Variants in NAV1 observed in about 807,000 individuals in gnomAD.
NAV1 encodes pore membrane and/or filament interacting like protein 3.
NAV1 carries 18 observed loss-of-function variants against 175.2 expected under a neutral mutation model. The ratio of observed to expected loss-of-function variants is 0.10; its 90% CI spans 0.07 to 0.15. The LOEUF is 0.15. NAV1 is among the 10% of genes least tolerant of loss of function. NAV1 has a pLI of 1.00. For missense variants in NAV1, 1,731 were observed against 2,436.6 expected (o/e 0.71, Z 6.10); for synonymous variants, 897 against 978.7 (o/e 0.92, Z 1.56).
intron 2 of NAV1, among the ~76,000 whole-genome samples, chr1:201,594,802 C>T (rs1489461508): frequency 6.6e-6 from 1 of 152,188 alleles, no homozygotes; most frequent in Admixed American, 6.5e-5. Context: ...GAAACTGGGG[C>T]TCTGGGAGCT....
rs545291181 is a variant in NAV1 at position 201,674,502 on chromosome 1, C to T, written c.757+25077C>T. Reference sequence around the variant, plus strand: ...AAACATGTATGTTAGGCCATTCTTGCGTTGCTGTAAAGAAATACCAGAGGC... The same window carrying T: ...AAACATGTATGTTAGGCCATTCTTGTGTTGCTGTAAAGAAATACCAGAGGC... On this transcript the variant is annotated intron_variant, in intron 1 of 29. Coordinates refer to ENST00000367296, the Ensembl canonical transcript of NAV1. 7.9e-5 allele frequency among the ~76,000 whole-genome samples: 12 copies of T among 152,168 alleles called. No homozygotes were observed. The South Asian group carries it at 8.3e-4, about 11-fold the overall frequency.
At chr1:201,548,116 A>G (rs562372519) in intron 1 of NAV1, among the ~76,000 whole-genome samples, 1 of 152,370 alleles carries the variant, frequency 6.6e-6, no homozygotes, top group East Asian at 1.9e-4. Flanking sequence ...AGGTGTTAGC[A>G]CATGCTATGC....
At chr1:201,590,560 C>A (rs1256384973) in intron 2 of NAV1, among the ~76,000 whole-genome samples, 1 of 152,226 alleles carries the variant, frequency 6.6e-6, no homozygotes, top group Non-Finnish European at 1.5e-5. Flanking sequence ...TGGTCCCTGG[C>A]AACCCCTGGC....
intron 2 of NAV1, among the ~76,000 whole-genome samples, chr1:201,591,035 A>T (rs608356): frequency 6.6e-6 from 1 of 151,870 alleles, no homozygotes. Flanking sequence ...TCTCTCCAAC[A>T]CATGCAGTCA....
chr1:201,583,733 T>C (rs1159682039), intron 1 of NAV1, among the ~76,000 whole-genome samples: 1 of 152,240 alleles, frequency 6.6e-6, no homozygotes, highest in African/African-American at 2.4e-5. Context: ...CTGGAGTAAC[T>C]GTGTAAACCT....
At chr1:201,627,115 G>C (rs779809386) in intron 1 of NAV1, among the ~76,000 whole-genome samples, 1 of 152,112 alleles carries the variant, frequency 6.6e-6, no homozygotes, top group African/African-American at 2.4e-5. Flanking sequence ...ATTTACTGGA[G>C]ACAGATTCTT....
rs1678444452 is a variant in NAV1, at chr1:201,808,352, C to T, written c.3846-66C>T. 1 of 1,530,966 alleles carries T rather than the reference C, an allele frequency of 6.5e-7. No homozygotes were observed. The highest frequency in any genetic ancestry group is 8.8e-7 in the Non-Finnish European group (1 of 1,136,116). 94.8% of individuals were successfully genotyped at this position (1,530,966 alleles called of 1,614,324 possible). Reference sequence around the variant, plus strand: ...GAAGCCAAGACCACCAACCATGCCTCTCAATATTCTCTAGTAACTCTAGTG... The same window carrying T: ...GAAGCCAAGACCACCAACCATGCCTTTCAATATTCTCTAGTAACTCTAGTG... On this transcript the variant is annotated intron_variant, in intron 18 of 29. Coordinates refer to ENST00000367296, the Ensembl canonical transcript of NAV1. The surrounding 1 kb of genome is among the most constrained non-coding windows in gnomAD (Gnocchi z 5.5).
intron 1 of NAV1, among the ~76,000 whole-genome samples, chr1:201,566,224 CTG>C (rs1666352692): frequency 6.6e-6 from 1 of 152,164 alleles, no homozygotes; most frequent in Non-Finnish European, 1.5e-5. Flanking sequence ...CTTGCAGGCT[CTG>C]AGAACCACTC....
intron 1 of NAV1, among the ~76,000 whole-genome samples, chr1:201,682,380 C>A (rs532619687): frequency 2.6e-5 from 4 of 152,202 alleles, no homozygotes; most frequent in African/African-American, 7.2e-5. Flanking sequence ...ACCTTTGTGA[C>A]AATGCCTCTG....
At chr1:201,583,142 G>A (rs1198631922) in intron 1 of NAV1, among the ~76,000 whole-genome samples, 1 of 152,266 alleles carries the variant, frequency 6.6e-6, no homozygotes, top group African/African-American at 2.4e-5. Context: ...ACCCTCTGGG[G>A]CTTGGCCCAT....
chr1:201,784,567 C>CAATTTTT (rs1162794675), intron 7 of NAV1, among the ~76,000 whole-genome samples: 1 of 109,730 alleles, frequency 9.1e-6, no homozygotes. Context: ...ATAATACGAT[C>CAATTTTT]TATTTTTTTT....
At chr1:201,553,858 C>G (rs551502909) in intron 1 of NAV1, among the ~76,000 whole-genome samples, 1 of 152,304 alleles carries the variant, frequency 6.6e-6, no homozygotes, top group South Asian at 2.1e-4. Flanking sequence ...TAATTTCTGA[C>G]GTATGAATGT....
At chr1:201,744,875 T>C (rs1477029052) in intron 3 of NAV1, among the ~76,000 whole-genome samples, 1 of 152,236 alleles carries the variant, frequency 6.6e-6, no homozygotes, top group Non-Finnish European at 1.5e-5. Context: ...GACAGAATCC[T>C]CTGAGACAAA....
chr1:201,751,786 G>A (rs1330332947), intron 3 of NAV1, among the ~76,000 whole-genome samples: 1 of 152,198 alleles, frequency 6.6e-6, no homozygotes, highest in Non-Finnish European at 1.5e-5. Flanking sequence ...TAAGTGGGCA[G>A]GATGTCATGC....
chr1:201,610,266 A>G (rs556468119), intron 2 of NAV1, among the ~76,000 whole-genome samples: 1 of 152,370 alleles, frequency 6.6e-6, no homozygotes, highest in East Asian at 1.9e-4. Context: ...AACTGGGGAT[A>G]CTGAAAGTGG....
At chr1:201,553,334 C>G (rs1006064895) in intron 1 of NAV1, among the ~76,000 whole-genome samples, 1 of 152,236 alleles carries the variant, frequency 6.6e-6, no homozygotes, top group Non-Finnish European at 1.5e-5. Context: ...TTCCATCTGC[C>G]TCTTTGTAGA....
intron 2 of NAV1, among the ~76,000 whole-genome samples, chr1:201,641,767 C>T (rs1668758685): frequency 6.6e-6 from 1 of 152,106 alleles, no homozygotes; most frequent in Non-Finnish European, 1.5e-5. Context: ...GGTTCCCAGC[C>T]CTTGCTCTCC....
At chr1:201,552,618 G>C (rs927062794) in intron 1 of NAV1, among the ~76,000 whole-genome samples, 2 of 152,172 alleles carry the variant, frequency 1.3e-5, no homozygotes, top group African/African-American at 4.8e-5. Flanking sequence ...ACTCAGGCCA[G>C]GGAATTGTGA....
intron 1 of NAV1, chr1:201,673,267 C>A (rs778006866): frequency 6.6e-6 from 1 of 152,202 alleles, no homozygotes; most frequent in Non-Finnish European, 1.5e-5. Flanking sequence ...AGATGGGCCG[C>A]GGCATCTACG....
Sources: gnomAD v4.1 joint callset for allele counts (sites outside exome capture counted in the v4.1 genomes callset) on GRCh38, gnomAD v4.1.1 for gene constraint, Gnocchi (gnomAD v3.1) non-coding constraint, MANE v1.5 for transcripts, NCBI Gene and HGNC (gene_info 2026-07-23, HGNC 2026-07-21) for gene names.